UGT2A2: variants seen among roughly 807,000 people sequenced by gnomAD.
The protein encoded by UGT2A2 is UDP-glucuronosyltransferase 2A2.
Under a neutral mutation model 50.7 loss-of-function variants are expected in UGT2A2, and 60 were observed. That is an observed-to-expected ratio of 1.18 (90% CI 0.96 to 1.47). The LOEUF is 1.47. UGT2A2 is among the 40% of genes most tolerant of loss of function. The probability of loss-of-function intolerance (pLI) is 0.00; values close to 1 mark genes in which losing one functional copy is unlikely to be tolerated. For missense variants in UGT2A2, 762 were observed against 634.0 expected (o/e 1.20, Z -2.17); for synonymous variants, 242 against 214.6 (o/e 1.13, Z -1.11).
rs145002695 is a variant in UGT2A2 at position 69,615,564 on chromosome 4, T to C, written c.743-16170A>G. 2.6e-3 allele frequency among the ~76,000 whole-genome samples: 388 copies of C among 152,072 alleles called. 5 individuals carry two copies. The highest frequency in any genetic ancestry group is 6.9e-3 in the African/African-American group (287 of 41,522). On this transcript the variant is annotated intron_variant, in intron 1 of 5. Transcript: ENST00000604629. ...TAATCAAAAAGAAATGGATAAAAGATCTGAATAGACGTTTCTCAAAAGAAC... is the reference window on the plus strand; with the variant it reads ...TAATCAAAAAGAAATGGATAAAAGACCTGAATAGACGTTTCTCAAAAGAAC...
chr4:69,610,731 A>C (rs1459950538), intron 1 of UGT2A2, among the ~76,000 whole-genome samples: 7 of 152,182 alleles, frequency 4.6e-5, no homozygotes, highest in Admixed American at 3.9e-4. Flanking sequence ...AAAAAGCTAT[A>C]TGAGAATATA....
chr4:69,635,006 G>C (rs190746056), intron 1 of UGT2A2, among the ~76,000 whole-genome samples: 1 of 151,960 alleles, frequency 6.6e-6, no homozygotes, highest in East Asian at 1.9e-4. Context: ...ATGCTTGAGG[G>C]GATGGATACC....
intron 1 of UGT2A2, among the ~76,000 whole-genome samples, chr4:69,634,391 T>TG (rs1485197021): frequency 6.6e-6 from 1 of 151,656 alleles, no homozygotes; most frequent in Non-Finnish European, 1.5e-5. Flanking sequence ...AGGGAAAGGG[T>TG]GGGAAGCAGG....
intron 1 of UGT2A2, 118 bp from the exon 2 acceptor site, chr4:69,599,512 T>C (rs377067907): frequency 3.6e-6 from 5 of 1,396,798 alleles, no homozygotes; most frequent in Non-Finnish European, 3.9e-6. Flanking sequence ...TTAGGTCTTC[T>C]AGAATACTTA....
chr4:69,627,534 A>AAGAAAG (rs1553906767), intron 1 of UGT2A2, among the ~76,000 whole-genome samples: 2 of 139,468 alleles, frequency 1.4e-5, no homozygotes, highest in Non-Finnish European at 3.2e-5. Flanking sequence ...GAAAGAAAGA[A>AAGAAAG]AGAGAGAGAG....
At chr4:69,632,196 G>A (rs181208178) in intron 1 of UGT2A2, among the ~76,000 whole-genome samples, 279 of 152,164 alleles carry the variant, frequency 1.8e-3, no homozygotes, top group African/African-American at 6.4e-3. Context: ...AAGGTGTTTT[G>A]ATATAAATAT....
rs533907513 is a variant in UGT2A2, at chr4:69,602,931, G to A, written c.743-3537C>T. On this transcript the variant is annotated intron_variant, in intron 1 of 5. Coordinates refer to ENST00000604629, the MANE Select transcript of UGT2A2 (RefSeq NM_001105677.2). ...AAATACAAAAAAATTAGCCGGGCGT[G>A]GTGGCAGGTGCCTGTAATCCCAGAT... 8.1e-5 allele frequency among the ~76,000 whole-genome samples: 11 copies of A among 135,286 alleles called. 1 individual carries two copies. The East Asian group carries it at 2.3e-3, about 28-fold the overall frequency. 88.8% of individuals were successfully genotyped at this position (135,286 alleles called of 152,430 possible). A position where few individuals can be genotyped will look rare whatever the true frequency, so the allele number is the denominator to read the frequency against.
Position 69,639,572 on chromosome 4 carries a change from C to T in UGT2A2, c.69G>A (p.Leu23=). Residue 23 remains leucine (L), a synonymous_variant, in exon 1 of 6, where the codon CTG becomes CTA. Transcript: ENST00000604629. The stretch of plus-strand genomic sequence containing the variant: ...CATTCCCACTTAGAACAACTTCAGT[C>T]AGAGTCAAATTAAAAACCAGCATCT... ...FVQMLVFNLT[L]TEVVLSGNVL... is the part of the protein sequence containing the mutation. 1 of 1,610,872 alleles carries T rather than the reference C, an allele frequency of 6.2e-7. No homozygotes were observed. Among genetic ancestry groups the T allele is most frequent in the South Asian group, 1.1e-5 (1 of 90,312 alleles).
chr4:69,600,713 G>T (rs985529418), intron 1 of UGT2A2, among the ~76,000 whole-genome samples: 2 of 152,032 alleles, frequency 1.3e-5, no homozygotes, highest in African/African-American at 4.8e-5. Flanking sequence ...GCCTCAGGAA[G>T]CATCTAATCA....
chr4:69,617,887 A>T (rs1398962759), intron 1 of UGT2A2, among the ~76,000 whole-genome samples: 2 of 151,892 alleles, frequency 1.3e-5, no homozygotes, highest in Non-Finnish European at 2.9e-5. Flanking sequence ...TTTCCTGAGG[A>T]AGAAACAAAA....
chr4:69,626,267 T>G (rs190211860), intron 1 of UGT2A2, among the ~76,000 whole-genome samples: 52 of 151,652 alleles, frequency 3.4e-4, no homozygotes, highest in African/African-American at 1.3e-3. Flanking sequence ...TAACATTTTA[T>G]TTCGGAGTAA....
chr4:69,607,286 T>G (rs79312604), intron 1 of UGT2A2, among the ~76,000 whole-genome samples: 35,917 of 147,836 alleles, frequency 0.24, 4,819 homozygotes, highest in African/African-American at 0.35. Flanking sequence ...CCATCTGATC[T>G]TTGACAAACC....
At chr4:69,621,621 T>C (rs12507278) in intron 1 of UGT2A2, among the ~76,000 whole-genome samples, 1 of 151,670 alleles carries the variant, frequency 6.6e-6, no homozygotes, top group Admixed American at 6.6e-5. Context: ...AAAACAGAAC[T>C]ACCATTAAAC....
At chr4:69,590,916 A>C (rs1224299391) in intron 5 of UGT2A2, among the ~76,000 whole-genome samples, 3 of 152,192 alleles carry the variant, frequency 2.0e-5, no homozygotes, top group Non-Finnish European at 2.9e-5. Flanking sequence ...GTCTATTCAA[A>C]TGTAATTGTT....
At chr4:69,624,777 C>A (rs1470517973) in intron 1 of UGT2A2, among the ~76,000 whole-genome samples, 1 of 151,294 alleles carries the variant, frequency 6.6e-6, no homozygotes, top group African/African-American at 2.4e-5. Flanking sequence ...CTTCACAATA[C>A]AATAAATATC....
At chr4:69,592,183 T>C (rs763604675) in intron 5 of UGT2A2, among the ~76,000 whole-genome samples, 1 of 152,106 alleles carries the variant, frequency 6.6e-6, no homozygotes. Context: ...CTAAATTCCA[T>C]CCGAGTTTAC....
At chr4:69,593,932 T>C (rs1718736618) in intron 5 of UGT2A2, among the ~76,000 whole-genome samples, 1 of 151,724 alleles carries the variant, frequency 6.6e-6, no homozygotes, top group African/African-American at 2.4e-5. Flanking sequence ...CATAGCATTC[T>C]TTATTTTGAA....
intron 1 of UGT2A2, among the ~76,000 whole-genome samples, chr4:69,617,209 T>C (rs1720454991): frequency 6.6e-6 from 1 of 152,054 alleles, no homozygotes; most frequent in East Asian, 1.9e-4. Flanking sequence ...CTAAATGTAG[T>C]CCTTAGGTTA....
Position 69,589,570 on chromosome 4 carries a change from G to A in UGT2A2, c.1413C>T (p.Ile471=), listed in dbSNP as rs145385081. The stretch of plus-strand genomic sequence containing the variant: ...CTCCTTTGTGGCGCATGACAAACTC[G>A]ATCCAGAAGACTGCTCGATCCAGGG... ...VKPLDRAVFW[I]EFVMRHKGAK... is the part of the protein sequence containing the mutation. Residue 471 remains isoleucine, a synonymous_variant, in exon 6 of 6, where the codon ATC becomes ATT. Transcript: ENST00000604629. The A allele has an allele frequency of 4.3e-6, 7 of 1,614,010 alleles. No individual in the cohort carries two copies. Among genetic ancestry groups the A allele is most frequent in the South Asian group, 3.3e-5 (3 of 91,088 alleles).
Sources: allele counts gnomAD v4.1 joint callset (sites outside exome capture counted in the v4.1 genomes callset), GRCh38; gene constraint gnomAD v4.1.1; transcripts MANE v1.5; gene names NCBI Gene and HGNC (gene_info 2026-07-23, HGNC 2026-07-21).